Variants in NCALD observed in about 807,000 individuals in gnomAD.
NCALD encodes neurocalcin-delta.
Under a neutral mutation model 18.6 loss-of-function variants are expected in NCALD, and 10 were observed. That is an observed-to-expected ratio of 0.54 (90% CI 0.33 to 0.91). NCALD has a LOEUF of 0.91. NCALD is among the 40% of genes least tolerant of loss of function. The pLI is 0.03. For synonymous variants in NCALD, 88 were observed against 87.4 expected (o/e 1.01, Z -0.04); for missense variants, 184 against 247.6 (o/e 0.74, Z 1.72).
chr8:102,039,750 G>A (rs1822985380), intron 1 of NCALD, among the ~76,000 whole-genome samples: 1 of 152,096 alleles, frequency 6.6e-6, no homozygotes, highest in African/African-American at 2.4e-5. Context: ...GTTGGGAGGT[G>A]GGGCCTAGTG....
At chr8:102,000,026 G>A (rs550244719) in intron 2 of NCALD, among the ~76,000 whole-genome samples, 15 of 152,248 alleles carry the variant, frequency 9.9e-5, no homozygotes, top group South Asian at 4.2e-4. Context: ...GGGGATTGTC[G>A]GACAGTGGGT....
At chr8:101,985,118 T>C (rs1364255784) in intron 2 of NCALD, among the ~76,000 whole-genome samples, 1 of 152,210 alleles carries the variant, frequency 6.6e-6, no homozygotes, top group Non-Finnish European at 1.5e-5. Flanking sequence ...ACCCCTGATG[T>C]TCACCTTTGG....
chr8:101,948,330 C>A (rs1324771920), intron 2 of NCALD, among the ~76,000 whole-genome samples: 3 of 152,054 alleles, frequency 2.0e-5, no homozygotes, highest in African/African-American at 4.8e-5. Flanking sequence ...AAGAAGGAGA[C>A]CCAAGGATGA....
In NCALD at chr8:101,692,454, C is replaced by G. The variant is rs567189525; in HGVS notation, c.484+337G>C. 15 of 985,314 alleles carry G rather than the reference C, an allele frequency of 1.5e-5. No individual in the cohort carries two copies. The African/African-American group carries it at 2.6e-4, about 17-fold the overall frequency. The allele number at this position is 985,314 out of a possible 1,614,324, so 61.0% of individuals were successfully genotyped here. A position where few individuals can be genotyped will look rare whatever the true frequency, so the allele number is the denominator to read the frequency against. On this transcript the variant is annotated intron_variant, in intron 3 of 3. Transcript: ENST00000220931. ...TTTTGATGAACTGGACTGCAGGGAC[C>G]CAGCCTGCTATAGCCTAGGCCTGTC...
intron 2 of NCALD, among the ~76,000 whole-genome samples, chr8:101,710,254 G>A (rs1385661113): frequency 6.6e-6 from 1 of 152,212 alleles, no homozygotes; most frequent in Non-Finnish European, 1.5e-5. Context: ...GCTTTTTCAT[G>A]GTCTTCACAA....
chr8:101,966,703 G>A (rs1467295167), intron 2 of NCALD, among the ~76,000 whole-genome samples: 2 of 152,102 alleles, frequency 1.3e-5, no homozygotes, highest in Non-Finnish European at 2.9e-5. Flanking sequence ...ACATAGGTAT[G>A]AAGAAGCTTA....
intron 1 of NCALD, among the ~76,000 whole-genome samples, chr8:102,060,292 T>A (rs554698643): frequency 3.5e-4 from 53 of 152,294 alleles, no homozygotes; most frequent in African/African-American, 1.2e-3. Flanking sequence ...GAAGTTGTAT[T>A]TCTGACAAGT....
At chr8:101,712,180 G>A (rs1425138416) in intron 2 of NCALD, among the ~76,000 whole-genome samples, 2 of 152,094 alleles carry the variant, frequency 1.3e-5, no homozygotes, top group Non-Finnish European at 2.9e-5. Flanking sequence ...ATAAGTGAAG[G>A]AGAAATAAAA....
rs145041099 is a variant in NCALD at position 101,773,084 on chromosome 8, G to T, written c.-20+17778C>A. Among the ~76,000 whole-genome samples, 579 of 152,224 alleles carry T rather than the reference G, an allele frequency of 3.8e-3. 6 individuals carry two copies. Among genetic ancestry groups the T allele is most frequent in the South Asian group, 3.5e-3 (17 of 4,820 alleles). ...AACTTGCCCAAGCTTCAGTCACAAA[G>T]CTTTAGTGATTGAGCCAGGATTTGA... On this transcript the variant is annotated intron_variant, in intron 1 of 3. Coordinates refer to ENST00000220931, the MANE Select transcript of NCALD (RefSeq NM_032041.3).
intron 2 of NCALD, among the ~76,000 whole-genome samples, chr8:101,999,309 T>C (rs1230594720): frequency 2.0e-5 from 3 of 152,100 alleles, no homozygotes; most frequent in Non-Finnish European, 4.4e-5. Flanking sequence ...TATATATGCA[T>C]ACATACATAC....
At chr8:102,029,500 G>A (rs773307730) in intron 1 of NCALD, among the ~76,000 whole-genome samples, 35 of 152,340 alleles carry the variant, frequency 2.3e-4, no homozygotes, top group Non-Finnish European at 4.0e-4. Flanking sequence ...AATTGTCACA[G>A]ACATTGATGT....
chr8:101,768,495 G>T lies in NCALD; in HGVS notation c.-20+22367C>A, dbSNP rs373894259. Among the ~76,000 whole-genome samples, 3 of 152,312 alleles carry T rather than the reference G, an allele frequency of 2.0e-5. No individual in the cohort carries two copies. The East Asian group carries it at 5.8e-4, about 29-fold the overall frequency. On this transcript the variant is annotated intron_variant, in intron 1 of 3. Transcript: ENST00000220931. ...AAGTGGTGGCCGAAGGGCCACCTGAGGTGAGAAGTTCGAGACCAGCCTGGC... is the reference window on the plus strand; with the variant it reads ...AAGTGGTGGCCGAAGGGCCACCTGATGTGAGAAGTTCGAGACCAGCCTGGC...
chr8:102,077,344 G>A (rs1011872859), intron 1 of NCALD, among the ~76,000 whole-genome samples: 1 of 152,144 alleles, frequency 6.6e-6, no homozygotes, highest in African/African-American at 2.4e-5. Context: ...GTCCATGGAT[G>A]GGAGCATGGA....
At chr8:101,776,396 A>G (rs1444280564) in intron 1 of NCALD, among the ~76,000 whole-genome samples, 2 of 152,194 alleles carry the variant, frequency 1.3e-5, no homozygotes, top group African/African-American at 4.8e-5. Flanking sequence ...ACATCTAAAA[A>G]TTACAAGACT....
At chr8:102,101,873 A>G (rs907662034) in intron 1 of NCALD, among the ~76,000 whole-genome samples, 4 of 152,196 alleles carry the variant, frequency 2.6e-5, no homozygotes, top group African/African-American at 7.2e-5. Flanking sequence ...CCTGAATTTT[A>G]AAACAAAATC....
chr8:101,970,068 A>C (rs1820182461), intron 2 of NCALD, among the ~76,000 whole-genome samples: 1 of 152,172 alleles, frequency 6.6e-6, no homozygotes, highest in South Asian at 2.1e-4. Flanking sequence ...AGATGAGGAA[A>C]AGCCGCTCCA....
At chr8:101,853,273 A>C (rs1195282486) in intron 4 of NCALD, among the ~76,000 whole-genome samples, 1 of 152,214 alleles carries the variant, frequency 6.6e-6, no homozygotes, top group East Asian at 1.9e-4. Context: ...ATAATAAACA[A>C]GGAAACAGAA....
intron 2 of NCALD, among the ~76,000 whole-genome samples, chr8:101,946,871 T>C (rs1268120540): frequency 1.4e-5 from 2 of 147,032 alleles, no homozygotes; most frequent in Non-Finnish European, 3.0e-5. Flanking sequence ...GACTGATAAT[T>C]AATGACCCAA....
chr8:101,989,806 G>A (rs1441386986), intron 2 of NCALD, among the ~76,000 whole-genome samples: 5 of 152,226 alleles, frequency 3.3e-5, no homozygotes, highest in African/African-American at 1.2e-4. Flanking sequence ...ACTTTAAAGA[G>A]ATCTGGTCCT....
Sources: allele counts gnomAD v4.1 joint callset (sites outside exome capture counted in the v4.1 genomes callset), GRCh38; gene constraint gnomAD v4.1.1; transcripts MANE v1.5; gene names NCBI Gene and HGNC (gene_info 2026-07-23, HGNC 2026-07-21).